The following SAMD15 variants were observed in gnomAD, a reference collection of about 807,000 sequenced individuals.
SAMD15 encodes sterile alpha motif domain-containing protein 15.
Under a neutral mutation model 50.5 loss-of-function variants are expected in SAMD15, and 37 were observed. That is an observed-to-expected ratio of 0.73 (90% CI 0.56 to 0.96). The LOEUF (loss-of-function observed/expected upper bound fraction) is 0.96. SAMD15 is among the 40% of genes least tolerant of loss of function. The pLI is 0.00. For synonymous variants in SAMD15, 255 were observed against 282.8 expected (o/e 0.90, Z 0.99); for missense variants, 789 against 783.8 (o/e 1.01, Z -0.08).
intron 2 of SAMD15, among the ~76,000 whole-genome samples, chr14:77,385,841 TC>T (rs1363212039): frequency 1.5e-5 from 2 of 135,702 alleles, no homozygotes; most frequent in East Asian, 3.9e-4. Flanking sequence ...CACCCCAACA[TC>T]CTGGATTTTT....
Position 77,377,702 on chromosome 14 carries a change from TA to T in SAMD15, c.285del (p.Pro96GlnfsTer12). 3.1e-6 allele frequency: 5 copies of T among 1,614,032 alleles called. No homozygotes were observed. Among genetic ancestry groups the T allele is most frequent in the Non-Finnish European group, 4.2e-6 (5 of 1,179,998 alleles). ...ATTGCCAAGGAGTCCAAGAGAGACGTACCAAGCGAAACTGAACCAGGGATAC... is the reference window on the plus strand; with the variant it reads ...ATTGCCAAGGAGTCCAAGAGAGACGTCCAAGCGAAACTGAACCAGGGATAC... ...EGIAKESKRD[V>X]PSETEPGIHQ... On this transcript the variant is annotated frameshift_variant, in exon 1 of 3. Coordinates refer to ENST00000216471, the MANE Select transcript of SAMD15 (RefSeq NM_001010860.4). LOFTEE classifies it high-confidence loss of function.
At chr14:77,390,707 T>C (rs933791810) in intron 2 of SAMD15, among the ~76,000 whole-genome samples, 22 of 152,070 alleles carry the variant, frequency 1.4e-4, no homozygotes, top group Non-Finnish European at 1.0e-4. Flanking sequence ...CTGGCCGACA[T>C]GGTGAAACCC....
chr14:77,391,064 C>T lies in SAMD15; in HGVS notation c.1845C>T (p.Arg615=). The stretch of plus-strand genomic sequence containing the variant: ...AAATTGAAGAGCCATTATTCAAACG[C>T]TCCATCAGCCTTCCCTATAGGGATA... The part of the protein sequence containing the change: ...LLEIEEPLFK[R]SISLPYRDII... Residue 615 remains arginine (R), a synonymous_variant, in exon 3 of 3, where the codon CGC becomes CGT. Coordinates refer to ENST00000216471, the MANE Select transcript of SAMD15 (RefSeq NM_001010860.4). 1 of 1,614,118 alleles carries T rather than the reference C, an allele frequency of 6.2e-7. No homozygotes were observed. Among genetic ancestry groups the T allele is most frequent in the South Asian group, 1.1e-5 (1 of 91,066 alleles).
At chr14:77,379,945 T>C (rs1893922002) in intron 1 of SAMD15, among the ~76,000 whole-genome samples, 1 of 152,172 alleles carries the variant, frequency 6.6e-6, no homozygotes, top group South Asian at 2.1e-4. Context: ...GCCAACTAGG[T>C]TTAAGGCTAC....
chr14:77,377,764 G>A lies in SAMD15; in HGVS notation c.346G>A (p.Gly116Arg), dbSNP rs1190859557. The change falls in exon 1 of 3, where the codon GGA becomes AGA. Residue 116 changes from glycine to arginine, a missense_variant. Physicochemically the swap from Gly to Arg is moderately radical, Grantham distance 125. Coordinates refer to ENST00000216471, the MANE Select transcript of SAMD15 (RefSeq NM_001010860.4). ...EVKSETSREM[G>R]EFFKDLEAPM... ...AAAGTCGGAAACATCCAGAGAGATG[G>A]GAGAGTTTTTCAAAGATTTGGAGGC... The A allele has an allele frequency of 1.9e-6, 3 of 1,614,002 alleles. No individual in the cohort carries two copies. The highest frequency in any genetic ancestry group is 2.2e-5 in the East Asian group (1 of 44,898).
intron 2 of SAMD15, among the ~76,000 whole-genome samples, chr14:77,385,098 C>T (rs945895989): frequency 2.0e-5 from 3 of 151,716 alleles, no homozygotes; most frequent in Admixed American, 1.3e-4. Context: ...CAGGAGAATC[C>T]CTTGAACCTG....
chr14:77,390,105 C>G (rs1181161315), intron 2 of SAMD15, among the ~76,000 whole-genome samples: 1 of 151,818 alleles, frequency 6.6e-6, no homozygotes, highest in Non-Finnish European at 1.5e-5. Flanking sequence ...AAGCGATTCT[C>G]CGGCCTCAGT....
chr14:77,378,992 C>A lies in SAMD15; in HGVS notation c.1574C>A (p.Ser525Tyr), dbSNP rs891311185. The change falls in exon 1 of 3, where the codon TCT becomes TAT. Residue 525 changes from serine (S) to tyrosine (Y), a missense_variant. Physicochemically the swap from Ser to Tyr is moderately radical, Grantham distance 144. This residue lies in a region of SAMD15 where 770 missense variants were observed against 745.4 expected (regional missense o/e 1.03). Coordinates refer to ENST00000216471, the MANE Select transcript of SAMD15 (RefSeq NM_001010860.4). ...TCCCAAGAGTTGAAGGAACGGGTCT[C>A]TGAAGATGACGAAACCCAGCCAGAA... Reference protein sequence around the residue: ...DLSQELKERVSEDDETQPEKG... With the variant: ...DLSQELKERVYEDDETQPEKG... 3.7e-6 allele frequency: 6 copies of A among 1,614,052 alleles called. No homozygotes were observed. The highest frequency in any genetic ancestry group is 5.1e-6 in the Non-Finnish European group (6 of 1,180,042).
chr14:77,384,813 T>C (rs375180629), intron 2 of SAMD15, among the ~76,000 whole-genome samples: 60 of 152,314 alleles, frequency 3.9e-4, no homozygotes, highest in African/African-American at 1.3e-3. Context: ...AGGAAATAAA[T>C]GTATATATAC....
At chr14:77,386,248 A>G (rs1269775492) in intron 2 of SAMD15, among the ~76,000 whole-genome samples, 1 of 152,136 alleles carries the variant, frequency 6.6e-6, no homozygotes, top group Non-Finnish European at 1.5e-5. Flanking sequence ...GCACTCATGT[A>G]TCCACCACCA....
chr14:77,387,671 C>A (rs1195751089), intron 2 of SAMD15, among the ~76,000 whole-genome samples: 2 of 151,854 alleles, frequency 1.3e-5, no homozygotes, highest in Non-Finnish European at 2.9e-5. Flanking sequence ...AAAAAAAACC[C>A]GTATCATTTG....
intron 2 of SAMD15, among the ~76,000 whole-genome samples, chr14:77,385,847 A>ATTT (rs370327770): frequency 0.036 from 4,740 of 130,972 alleles, 304 homozygotes; most frequent in African/African-American, 0.1. Flanking sequence ...AACATCCTGG[A>ATTT]TTTTTTTTTT....
intron 2 of SAMD15, among the ~76,000 whole-genome samples, chr14:77,382,442 A>G (rs1893954208): frequency 6.6e-6 from 1 of 152,124 alleles, no homozygotes; most frequent in South Asian, 2.1e-4. Flanking sequence ...TATTTTTAAT[A>G]GAGACAGGGT....
Position 77,378,962 on chromosome 14 carries a change from A to G in SAMD15, c.1544A>G (p.Asp515Gly), listed in dbSNP as rs188977334. ...TTCGTTCATGAAAAGGAAGTTGTAGATTTGTCCCAAGAGTTGAAGGAACGG... is the reference window on the plus strand; with the variant it reads ...TTCGTTCATGAAAAGGAAGTTGTAGGTTTGTCCCAAGAGTTGAAGGAACGG... ...SEFVHEKEVV[D>G]LSQELKERVS... The change falls in exon 1 of 3, where the codon GAT (aspartate) becomes GGT (glycine). Residue 515 changes from aspartate to glycine, a missense_variant. This residue lies in a region of SAMD15 where 770 missense variants were observed against 745.4 expected (regional missense o/e 1.03). Transcript: ENST00000216471. The G allele has an allele frequency of 5.0e-6, 8 of 1,614,088 alleles. No individual in the cohort carries two copies. Among genetic ancestry groups the G allele is most frequent in the Non-Finnish European group, 6.8e-6 (8 of 1,180,044 alleles).
chr14:77,378,078 A>G lies in SAMD15; in HGVS notation c.660A>G (p.Lys220=). Residue 220 remains lysine, a synonymous_variant, in exon 1 of 3, where the codon AAA becomes AAG. Transcript: ENST00000216471. ...EQTKQDFPSE[K]LGESLEETDL... ...CCAAACAAGATTTTCCAAGTGAGAA[A>G]CTAGGAGAATCACTTGAAGAGACAG... 1 of 1,613,930 alleles carries G rather than the reference A, an allele frequency of 6.2e-7. No individual in the cohort carries two copies. Among genetic ancestry groups the G allele is most frequent in the Non-Finnish European group, 8.5e-7 (1 of 1,179,982 alleles).
At chr14:77,387,799 C>T (rs956042245) in intron 2 of SAMD15, among the ~76,000 whole-genome samples, 4 of 152,084 alleles carry the variant, frequency 2.6e-5, no homozygotes, top group African/African-American at 4.8e-5. Context: ...CACCTGTAAT[C>T]TTAGCATTTT....
In SAMD15 at chr14:77,380,371, T is replaced by C; in HGVS notation, c.1690-12T>C. 2 of 1,568,458 alleles carry C rather than the reference T, an allele frequency of 1.3e-6. No homozygotes were observed. The stretch of plus-strand genomic sequence containing the variant: ...GTACATTTTTTAAGTGATGTCCTTG[T>C]TGTATTGACAGGAGTGTTTTATCAC... On this transcript the variant is annotated splice_polypyrimidine_tract_variant and intron_variant, in intron 1 of 2. Coordinates refer to ENST00000216471, the MANE Select transcript of SAMD15 (RefSeq NM_001010860.4).
intron 2 of SAMD15, among the ~76,000 whole-genome samples, 193 bp downstream of exon 2, chr14:77,380,674 T>C (rs966182935): frequency 6.6e-6 from 1 of 152,076 alleles, no homozygotes; most frequent in Non-Finnish European, 1.5e-5. Context: ...GAACTGTCCA[T>C]TGCTCCTGTG....
At chr14:77,382,415 A>G (rs1488162286) in intron 2 of SAMD15, among the ~76,000 whole-genome samples, 1 of 152,040 alleles carries the variant, frequency 6.6e-6, no homozygotes, top group African/African-American at 2.4e-5. Context: ...GAGCCACCGC[A>G]CCTAGCCTAA....
Sources: gnomAD v4.1 joint callset for allele counts (sites outside exome capture counted in the v4.1 genomes callset) on GRCh38, gnomAD v4.1.1 for gene constraint, gnomAD v4.1.1 regional missense constraint, MANE v1.5 for transcripts, NCBI Gene and HGNC (gene_info 2026-07-23, HGNC 2026-07-21) for gene names.